GFRA2: variants seen among roughly 807,000 people sequenced by gnomAD.
The protein encoded by GFRA2 is GDNF family receptor alpha-2.
A neutral mutation model predicts 48.3 loss-of-function variants in GFRA2; 17 were observed. That is an observed-to-expected ratio of 0.35 (90% CI 0.24 to 0.53). The LOEUF (loss-of-function observed/expected upper bound fraction) is 0.53. GFRA2 is among the 20% of genes least tolerant of loss of function. The pLI, the probability that GFRA2 is intolerant of heterozygous loss-of-function variation, is 0.93. For missense variants in GFRA2, 660 were observed against 637.3 expected (o/e 1.04, Z -0.38); for synonymous variants, 305 against 257.2 (o/e 1.19, Z -1.78).
chr8:21,799,767 G>C (rs1240889001), intron 2 of GFRA2, among the ~76,000 whole-genome samples: 6 of 152,308 alleles, frequency 3.9e-5, no homozygotes, highest in African/African-American at 1.4e-4. Flanking sequence ...CCCTGAAGTG[G>C]GAGATGAAGG....
rs982384182 is a variant in GFRA2 at position 21,811,496 on chromosome 8, T to C, written c.-148+735A>G. ...CCCTGGCAACAAGAAATCAAACTCA[T>C]AGGCAGGAACCCAAGGGTCTGGTGC... On this transcript the variant is annotated intron_variant, in intron 1 of 10. Coordinates refer to the GFRA2 transcript ENST00000517328. Among the ~76,000 whole-genome samples the C allele has an allele frequency of 8.5e-5, 13 of 152,102 alleles. No individual in the cohort carries two copies. In the South Asian group the frequency reaches 1.5e-3, roughly 17 times the overall value.
chr8:21,729,130 T>G (rs547951766), intron 4 of GFRA2, among the ~76,000 whole-genome samples: 1 of 152,112 alleles, frequency 6.6e-6, no homozygotes, highest in Non-Finnish European at 1.5e-5. Flanking sequence ...TTAGCAGTCA[T>G]AAACCTCTCC....
chr8:21,785,947 GC>G, intron 1 of GFRA2, among the ~76,000 whole-genome samples: 1 of 152,238 alleles, frequency 6.6e-6, no homozygotes, highest in South Asian at 2.1e-4. Context: ...CAGGAAAAGG[GC>G]CCCAGGGCTG....
rs539459339 is a variant in GFRA2 at position 21,695,912 on chromosome 8, C to T, written c.1219-1395G>A. 1.7e-4 allele frequency among the ~76,000 whole-genome samples: 26 copies of T among 152,240 alleles called. 1 individual carries two copies. The highest frequency in any genetic ancestry group is 8.5e-4 in the Admixed American group (13 of 15,302). On this transcript the variant is annotated intron_variant, in intron 7 of 8. Coordinates refer to ENST00000524240, the MANE Select transcript of GFRA2 (RefSeq NM_001495.5). The stretch of plus-strand genomic sequence containing the variant: ...GTCTGTGCCTGTGGCCTGACACCTA[C>T]GGACACCCAGCGTCACTTCCTACTC...
chr8:21,724,275 C>T (rs1803748530), intron 4 of GFRA2, among the ~76,000 whole-genome samples: 1 of 152,068 alleles, frequency 6.6e-6, no homozygotes, highest in South Asian at 2.1e-4. Flanking sequence ...GCCCCTTGGC[C>T]TACCGGAGGT....
chr8:21,734,496 T>A (rs1804353259), intron 4 of GFRA2, among the ~76,000 whole-genome samples: 1 of 152,252 alleles, frequency 6.6e-6, no homozygotes, highest in South Asian at 2.1e-4. Context: ...GGTTCTCTTT[T>A]TTTTCCTGCA....
At chr8:21,803,135 C>G (rs1225518886) in intron 2 of GFRA2, among the ~76,000 whole-genome samples, 3 of 152,214 alleles carry the variant, frequency 2.0e-5, no homozygotes, top group Non-Finnish European at 4.4e-5. Flanking sequence ...TGGCAGGGGC[C>G]TCTGCTCCAC....
At chr8:21,710,631 G>A (rs914277197) in intron 4 of GFRA2, among the ~76,000 whole-genome samples, 9 of 152,234 alleles carry the variant, frequency 5.9e-5, no homozygotes, top group Middle Eastern at 3.4e-3. Context: ...TAGGCCCCCG[G>A]GTGACCACTG....
At chr8:21,743,430 T>G (rs553481942) in intron 4 of GFRA2, among the ~76,000 whole-genome samples, 7 of 152,140 alleles carry the variant, frequency 4.6e-5, no homozygotes, top group Non-Finnish European at 1.0e-4. Context: ...GAATTGGGAT[T>G]TCAAGAGAAC....
At chr8:21,761,909 A>G (rs1585311821) in intron 3 of GFRA2, among the ~76,000 whole-genome samples, 1 of 152,048 alleles carries the variant, frequency 6.6e-6, no homozygotes, top group Non-Finnish European at 1.5e-5. Context: ...GAGGGCTGTC[A>G]CCACTGTACT....
rs940490239 is a variant in GFRA2 at position 21,703,580 on chromosome 8, G to A, written c.1046-603C>T. On this transcript the variant is annotated intron_variant, in intron 6 of 8. Coordinates refer to ENST00000524240, the MANE Select transcript of GFRA2 (RefSeq NM_001495.5). ...CGTTATGTCTAAGCCTGGGCTAGGC[G>A]TCTCCTCCTACCCTTGTCAACGCTC... Among the ~76,000 whole-genome samples, 11 of 152,162 alleles carry A rather than the reference G, an allele frequency of 7.2e-5. No individual in the cohort carries two copies. The East Asian group carries it at 1.3e-3, about 19-fold the overall frequency.
At chr8:21,697,791 TAGTG>T (rs1585221838) in intron 7 of GFRA2, among the ~76,000 whole-genome samples, 2 of 152,274 alleles carry the variant, frequency 1.3e-5, no homozygotes, top group South Asian at 2.1e-4. Flanking sequence ...GTTCTCGTGG[TAGTG>T]AGTAAGTCCC....
chr8:21,772,004 G>C (rs1806460385), intron 3 of GFRA2, among the ~76,000 whole-genome samples: 1 of 152,142 alleles, frequency 6.6e-6, no homozygotes, highest in African/African-American at 2.4e-5. Context: ...ACACACAGGT[G>C]GGGGATACAT....
At chr8:21,753,805 T>C (rs1482717682) in intron 3 of GFRA2, among the ~76,000 whole-genome samples, 1 of 152,240 alleles carries the variant, frequency 6.6e-6, no homozygotes, top group Non-Finnish European at 1.5e-5. Flanking sequence ...GTGATGCATA[T>C]TATATTTCCA....
At chr8:21,724,867 G>A (rs184142115) in intron 4 of GFRA2, among the ~76,000 whole-genome samples, 1 of 152,070 alleles carries the variant, frequency 6.6e-6, no homozygotes, top group South Asian at 2.1e-4. Flanking sequence ...CTTGATGGTG[G>A]AGGTCTCTCT....
At chr8:21,708,486 A>G (rs1466870634) in intron 4 of GFRA2, among the ~76,000 whole-genome samples, 1 of 152,146 alleles carries the variant, frequency 6.6e-6, no homozygotes, top group Non-Finnish European at 1.5e-5. Context: ...TAGAGACAAA[A>G]TCTGTTGAGT....
intron 2 of GFRA2, among the ~76,000 whole-genome samples, chr8:21,795,644 C>T (rs959082741): frequency 1.2e-4 from 19 of 152,284 alleles, no homozygotes; most frequent in Non-Finnish European, 2.2e-4. Flanking sequence ...CCACCCACCT[C>T]GGCCTCCCAA....
At chr8:21,798,019 G>A (rs1043949978) in intron 2 of GFRA2, among the ~76,000 whole-genome samples, 5 of 152,120 alleles carry the variant, frequency 3.3e-5, no homozygotes, top group East Asian at 1.9e-4. Flanking sequence ...TCACCATCAC[G>A]TCCAGTCCAC....
intron 4 of GFRA2, among the ~76,000 whole-genome samples, chr8:21,709,379 C>A (rs1276062174): frequency 6.6e-6 from 1 of 152,230 alleles, no homozygotes; most frequent in Non-Finnish European, 1.5e-5. Flanking sequence ...CTGGGTTTTT[C>A]CAACTAGAAC....
Sources: gnomAD v4.1 joint callset for allele counts (sites outside exome capture counted in the v4.1 genomes callset) on GRCh38, gnomAD v4.1.1 for gene constraint, MANE v1.5 for transcripts, NCBI Gene and HGNC (gene_info 2026-07-23, HGNC 2026-07-21) for gene names.